The following GNAO1 variants were observed in gnomAD, a reference collection of about 807,000 sequenced individuals.
GNAO1 encodes guanine nucleotide-binding protein G(o) subunit alpha.
For synonymous variants in GNAO1, 164 were observed against 180.7 expected, an observed-to-expected ratio of 0.91 and a Z score of 0.74; for missense variants, 166 against 478.7, an observed-to-expected ratio of 0.35 and a Z score of 6.10.
At chr16:56,192,770 T>G in intron 2 of GNAO1, 154 bp downstream of exon 2, 1 of 598,026 alleles carries the variant, frequency 1.7e-6, no homozygotes, top group Non-Finnish European at 3.1e-6. Flanking sequence ...TTGACTCCCC[T>G]CCCCCACTCC....
chr16:56,215,969 C>T (rs1002826857), intron 2 of GNAO1, among the ~76,000 whole-genome samples: 1 of 152,224 alleles, frequency 6.6e-6, no homozygotes. Flanking sequence ...CCTTTCTCCA[C>T]AGCTTGGATG....
At chr16:56,292,769 T>C (rs2037244997) in intron 3 of GNAO1, among the ~76,000 whole-genome samples, 1 of 152,214 alleles carries the variant, frequency 6.6e-6, no homozygotes. Context: ...TTGCCTACTC[T>C]GAAAAGTATT....
chr16:56,307,905 A>G (rs1596855599), intron 3 of GNAO1: 2 of 152,406 alleles, frequency 1.3e-5, no homozygotes, highest in Admixed American at 1.3e-4. Context: ...CATGGCTGCC[A>G]GTGGGGAGCA....
chr16:56,248,301 G>T (rs1432446982), intron 2 of GNAO1, among the ~76,000 whole-genome samples: 1 of 152,158 alleles, frequency 6.6e-6, no homozygotes, highest in Admixed American at 6.5e-5. Context: ...TTTCATTTCT[G>T]CCAGAAATGA....
Position 56,335,451 on chromosome 16 carries a change from G to C in GNAO1, c.593+594G>C, listed in dbSNP as rs73543978. On this transcript the variant is annotated intron_variant, in intron 5 of 8. Transcript: ENST00000262493. ...CTGCTGCAGCGCTGTGTCCCCACCT[G>C]CAGTAACATGCGTGCACTGAGGCCT... is the stretch of plus-strand genomic sequence containing the variant. Among the ~76,000 whole-genome samples the C allele has an allele frequency of 8.2e-3, 1,243 of 152,294 alleles. 16 individuals carry two copies. Among genetic ancestry groups the C allele is most frequent in the African/African-American group, 0.028 (1,178 of 41,564 alleles).
At chr16:56,305,811 G>A (rs1220201759) in intron 3 of GNAO1, among the ~76,000 whole-genome samples, 1 of 152,180 alleles carries the variant, frequency 6.6e-6, no homozygotes, top group African/African-American at 2.4e-5. Context: ...TCCTTGGCTT[G>A]TAGATGGCTG....
chr16:56,208,257 A>C (rs536029429), intron 2 of GNAO1, among the ~76,000 whole-genome samples: 2 of 152,342 alleles, frequency 1.3e-5, no homozygotes, highest in South Asian at 2.1e-4. Flanking sequence ...ATATTAGTGA[A>C]TATTCATGAA....
chr16:56,230,246 C>T (rs2143395342), intron 2 of GNAO1, among the ~76,000 whole-genome samples: 1 of 152,328 alleles, frequency 6.6e-6, no homozygotes, highest in East Asian at 1.9e-4. Context: ...ACAGTGGAGG[C>T]TGCTGTGGGG....
intron 2 of GNAO1, among the ~76,000 whole-genome samples, chr16:56,268,479 C>T (rs1394701530): frequency 6.6e-6 from 1 of 152,244 alleles, no homozygotes; most frequent in Non-Finnish European, 1.5e-5. Context: ...ATCAATGACT[C>T]TACCCCTTTT....
At chr16:56,200,576 G>A (rs2036273884) in intron 2 of GNAO1, among the ~76,000 whole-genome samples, 1 of 152,186 alleles carries the variant, frequency 6.6e-6, no homozygotes, top group Non-Finnish European at 1.5e-5. Flanking sequence ...TGACAGTGTT[G>A]TATTCAGACA....
At chr16:56,206,485 A>G (rs541838090) in intron 2 of GNAO1, among the ~76,000 whole-genome samples, 9 of 152,154 alleles carry the variant, frequency 5.9e-5, no homozygotes, top group Non-Finnish European at 1.2e-4. Flanking sequence ...GGAAAAGGCA[A>G]AACCACAGGG....
intron 2 of GNAO1, among the ~76,000 whole-genome samples, chr16:56,225,747 A>T (rs183576869): frequency 1.0e-3 from 159 of 152,224 alleles, no homozygotes; most frequent in African/African-American, 3.8e-3. Context: ...CTGGGGACAT[A>T]CCTCATTCAG....
chr16:56,312,310 G>A (rs1455975049), intron 3 of GNAO1, among the ~76,000 whole-genome samples: 4 of 152,228 alleles, frequency 2.6e-5, no homozygotes, highest in Non-Finnish European at 4.4e-5. Flanking sequence ...ATAAAATGGG[G>A]GAAACGATAA....
chr16:56,265,361 G>A (rs1249868135), intron 2 of GNAO1, among the ~76,000 whole-genome samples: 1 of 152,242 alleles, frequency 6.6e-6, no homozygotes, highest in East Asian at 1.9e-4. Flanking sequence ...CTAGACAGCA[G>A]CTCCAGAAGG....
intron 6 of GNAO1, among the ~76,000 whole-genome samples, chr16:56,341,386 C>T (rs1233858462): frequency 6.6e-6 from 1 of 152,244 alleles, no homozygotes; most frequent in African/African-American, 2.4e-5. Flanking sequence ...TCAGGCAGGT[C>T]ATGCAGCCTC....
At chr16:56,346,499 C>T (rs1201638262) in intron 6 of GNAO1, 101 of 985,282 alleles carry the variant, frequency 1.0e-4, no homozygotes, top group East Asian at 1.1e-4. Flanking sequence ...TTGTGACCTG[C>T]GCCGCTGACC....
At position 56,302,988 on chromosome 16, in the gene GNAO1, A is replaced by G. The variant is rs183546486; in HGVS notation, c.304-25643A>G. The G allele has an allele frequency of 1.2e-4, 18 of 152,342 alleles. 1 individual carries two copies. In the East Asian group the frequency reaches 2.9e-3, roughly 24 times the overall value. 9.4% of individuals were successfully genotyped at this position (152,342 alleles called of 1,614,324 possible). ...AAATGCTGTGACAAGGAACCAGCAC[A>G]CACCTGGTATCTACTATCTCCTCCC... On this transcript the variant is annotated intron_variant, in intron 3 of 8. Transcript: ENST00000262493.
chr16:56,269,671 CCCAGGGCAGGAG>C (rs1257327553), intron 2 of GNAO1, among the ~76,000 whole-genome samples: 15 of 152,122 alleles, frequency 9.9e-5, no homozygotes, highest in East Asian at 3.9e-4. Flanking sequence ...GCAGTCCAGT[CCCAGGGCAGGAG>C]CCAGGGCGCT....
intron 6 of GNAO1, chr16:56,347,458 G>T: frequency 1.0e-6 from 1 of 985,618 alleles, no homozygotes; most frequent in Non-Finnish European, 1.2e-6. Flanking sequence ...CCCTCAGCAA[G>T]AAGAGTCCTG....
Sources: gnomAD v4.1 joint callset for allele counts (sites outside exome capture counted in the v4.1 genomes callset) on GRCh38, gnomAD v4.1.1 for gene constraint, MANE v1.5 for transcripts, NCBI Gene and HGNC (gene_info 2026-07-23, HGNC 2026-07-21) for gene names.